Variants in LTBP1 observed in about 807,000 individuals in gnomAD.
LTBP1 encodes latent-transforming growth factor beta-binding protein 1.
LTBP1 carries 129 observed loss-of-function variants against 207.6 expected under a neutral mutation model. The observed-to-expected ratio is 0.62, with a 90% confidence interval of 0.54 to 0.72. The LOEUF (loss-of-function observed/expected upper bound fraction) is 0.72, where lower values mean the gene tolerates loss of function less well. LTBP1 is among the 30% of genes least tolerant of loss of function. The pLI is 0.00. For synonymous variants in LTBP1, 963 were observed against 833.7 expected, an observed-to-expected ratio of 1.16 and a Z score of -2.67; for missense variants, 2,281 against 2,217.2, an observed-to-expected ratio of 1.03 and a Z score of -0.58.
intron 8 of LTBP1, 28 bp downstream of exon 8, chr2:33,217,682 A>G (rs964588713): frequency 1.0e-5 from 15 of 1,497,282 alleles, no homozygotes; most frequent in Non-Finnish European, 1.4e-5. Flanking sequence ...ACTCCTTTGC[A>G]GGTTAATGTA....
intron 25 of LTBP1, among the ~76,000 whole-genome samples, chr2:33,347,016 G>T (rs2094711621): frequency 6.6e-6 from 1 of 150,888 alleles, no homozygotes; most frequent in Non-Finnish European, 1.5e-5. Flanking sequence ...TATTCAGGAG[G>T]CTGAGGCAGG....
rs532742055 is a variant in LTBP1 at position 32,963,121 on chromosome 2, G to A, written c.565+14176G>A. Among the ~76,000 whole-genome samples the A allele has an allele frequency of 2.6e-5, 4 of 152,308 alleles. 1 individual carries two copies. In the South Asian group the frequency reaches 8.3e-4, roughly 32 times the overall value. ...TAAGGATGAGTTTATATGGTATAAA[G>A]CCCAGTGGAATGGATCATTTTCCCC... On this transcript the variant is annotated intron_variant, in intron 2 of 33. Transcript: ENST00000404816.
intron 3 of LTBP1, among the ~76,000 whole-genome samples, chr2:33,045,594 G>A (rs2076403893): frequency 6.6e-6 from 1 of 152,068 alleles, no homozygotes; most frequent in Non-Finnish European, 1.5e-5. Context: ...TTGACTATGT[G>A]GGCTCTTTTT....
chr2:33,188,895 A>ATGG (rs1233119209), intron 7 of LTBP1, 44 bp downstream of exon 7: 1 of 1,565,390 alleles, frequency 6.4e-7, no homozygotes, highest in Non-Finnish European at 8.7e-7. Context: ...TCTTACAGAT[A>ATGG]TGGTATCATT....
intron 5 of LTBP1, among the ~76,000 whole-genome samples, chr2:33,135,516 A>G (rs1296396733): frequency 6.6e-6 from 1 of 152,190 alleles, no homozygotes; most frequent in Non-Finnish European, 1.5e-5. Flanking sequence ...ATAAATTGAT[A>G]TATAACGTGG....
rs1384830702 is a variant in LTBP1, at chr2:33,398,556, A to G, written c.*11A>G. ...AGTGACCTGGAGTGAAACAGAATCT[A>G]CATAACCTAAGCCCATATACTCTGC... is the stretch of plus-strand genomic sequence containing the variant. On this transcript the variant is annotated 3_prime_UTR_variant, in exon 34 of 34. Coordinates refer to ENST00000404816, the MANE Select transcript of LTBP1 (RefSeq NM_206943.4). The G allele has an allele frequency of 6.2e-7, 1 of 1,612,366 alleles. No individual in the cohort carries two copies. Among genetic ancestry groups the G allele is most frequent in the Admixed American group, 1.7e-5 (1 of 59,910 alleles).
intron 32 of LTBP1, among the ~76,000 whole-genome samples, chr2:33,394,847 C>T (rs934109671): frequency 2.0e-5 from 3 of 152,090 alleles, no homozygotes; most frequent in Non-Finnish European, 4.4e-5. Flanking sequence ...TGAAGAAAGT[C>T]ATTGCTGTTT....
At chr2:33,262,311 C>T (rs924607703) in intron 13 of LTBP1, among the ~76,000 whole-genome samples, 1 of 152,182 alleles carries the variant, frequency 6.6e-6, no homozygotes, top group African/African-American at 2.4e-5. Context: ...ATTTAATCTG[C>T]AAACTGTGGC....
intron 5 of LTBP1, among the ~76,000 whole-genome samples, chr2:33,162,447 C>G (rs1239144703): frequency 1.3e-5 from 2 of 152,184 alleles, no homozygotes; most frequent in African/African-American, 4.8e-5. Context: ...CAGAATTTTC[C>G]ATTTTAATCA....
chr2:33,309,417 T>A lies in LTBP1; in HGVS notation c.3482-17T>A. 1 of 1,574,382 alleles carries A rather than the reference T, an allele frequency of 6.4e-7. No homozygotes were observed. The highest frequency in any genetic ancestry group is 8.6e-7 in the Non-Finnish European group (1 of 1,167,026). On this transcript the variant is annotated splice_polypyrimidine_tract_variant and intron_variant, in intron 22 of 33. Coordinates refer to ENST00000404816, the MANE Select transcript of LTBP1 (RefSeq NM_206943.4). ...GTGATTTATTTAGTCTTTAAAAATT[T>A]TTAAATTGGTTTTTAGATATCAATG...
In LTBP1 at chr2:33,224,245, C is replaced by T. The variant is rs189452610; in HGVS notation, c.1876+2094C>T. ...TTCAAGGTTGTTGGGGAACTCTATT[C>T]CACAGAAAAGGCTTTCTTGTAGTTG... On this transcript the variant is annotated intron_variant, in intron 9 of 33. Transcript: ENST00000404816. Among the ~76,000 whole-genome samples, 325 of 152,294 alleles carry T rather than the reference C, an allele frequency of 2.1e-3. 2 individuals are homozygous for T. The highest frequency in any genetic ancestry group is 0.013 in the South Asian group (65 of 4,828).
intron 24 of LTBP1, among the ~76,000 whole-genome samples, chr2:33,334,087 A>G (rs1031685310): frequency 1.3e-5 from 2 of 152,248 alleles, no homozygotes; most frequent in Admixed American, 1.3e-4. Flanking sequence ...TGGGTTTTAC[A>G]AAATGGTGAC....
chr2:33,304,169 A>G (rs997618757), intron 22 of LTBP1, among the ~76,000 whole-genome samples: 2 of 152,210 alleles, frequency 1.3e-5, no homozygotes, highest in African/African-American at 4.8e-5. Context: ...TTCTTTTGGA[A>G]TATATAATCA....
intron 13 of LTBP1, among the ~76,000 whole-genome samples, chr2:33,260,724 C>G (rs2092988338): frequency 6.6e-6 from 1 of 152,170 alleles, no homozygotes; most frequent in South Asian, 2.1e-4. Context: ...CTCTAAAGAT[C>G]AGTCACAGCG....
intron 3 of LTBP1, among the ~76,000 whole-genome samples, chr2:33,089,839 G>C (rs555789693): frequency 2.1e-4 from 32 of 152,244 alleles, no homozygotes; most frequent in Admixed American, 1.8e-3. Context: ...GATAACATTT[G>C]CTTTTCAAAC....
At chr2:33,222,228 C>A in intron 9 of LTBP1, 77 bp downstream of exon 9, 3 of 1,015,994 alleles carry the variant, frequency 3.0e-6, no homozygotes, top group Non-Finnish European at 4.7e-6. Context: ...TTTGCCACGG[C>A]TTGCTCATTC....
chr2:32,990,072 T>C (rs972328834), intron 2 of LTBP1, among the ~76,000 whole-genome samples: 1 of 152,210 alleles, frequency 6.6e-6, no homozygotes, highest in Non-Finnish European at 1.5e-5. Context: ...GCCACTGTGC[T>C]CCAGCCTGGG....
chr2:33,045,177 A>G (rs2076386018), intron 3 of LTBP1, among the ~76,000 whole-genome samples: 1 of 152,162 alleles, frequency 6.6e-6, no homozygotes, highest in Non-Finnish European at 1.5e-5. Context: ...TTTAGTCACG[A>G]AGTCTTTGCC....
chr2:33,160,059 G>A (rs2084326005), intron 5 of LTBP1, among the ~76,000 whole-genome samples: 1 of 151,888 alleles, frequency 6.6e-6, no homozygotes, highest in Admixed American at 6.6e-5. Flanking sequence ...CTGTATTTTT[G>A]GTAGAGATGG....
Sources: allele counts gnomAD v4.1 joint callset (sites outside exome capture counted in the v4.1 genomes callset), GRCh38; gene constraint gnomAD v4.1.1; transcripts MANE v1.5; gene names NCBI Gene and HGNC (gene_info 2026-07-23, HGNC 2026-07-21).